GRM8: variants seen among roughly 807,000 people sequenced by gnomAD.
GRM8 encodes metabotropic glutamate receptor 8.
GRM8 carries 47 observed loss-of-function variants against 87.2 expected under a neutral mutation model. That is an observed-to-expected ratio of 0.54 (90% CI 0.43 to 0.69). GRM8 has a LOEUF of 0.69. Among genes scored for constraint, GRM8 ranks in the 30% least tolerant of loss-of-function variants. The pLI, the probability that GRM8 is intolerant of heterozygous loss-of-function variation, is 0.00. For missense variants in GRM8, 1,019 were observed against 1,139.2 expected, an observed-to-expected ratio of 0.89 and a Z score of 1.52; for synonymous variants, 396 against 404.5, an observed-to-expected ratio of 0.98 and a Z score of 0.25.
At chr7:127,214,882 A>G (rs1352051352) in intron 2 of GRM8, among the ~76,000 whole-genome samples, 1 of 152,180 alleles carries the variant, frequency 6.6e-6, no homozygotes, top group Non-Finnish European at 1.5e-5. Context: ...TTCCTTTTCA[A>G]ATTCTGCCTA....
chr7:126,709,674 A>G (rs1365242714), intron 7 of GRM8, among the ~76,000 whole-genome samples: 1 of 152,180 alleles, frequency 6.6e-6, no homozygotes, highest in Admixed American at 6.5e-5. Context: ...CTTTGGGTAT[A>G]TATCTAAAAA....
intron 2 of GRM8, among the ~76,000 whole-genome samples, chr7:127,187,212 C>T (rs1225789623): frequency 1.3e-5 from 2 of 152,076 alleles, no homozygotes; most frequent in African/African-American, 4.8e-5. Flanking sequence ...TAGTGGTATT[C>T]CCTGACAAAG....
chr7:127,155,396 A>AACGTAACTC (rs1792659635), intron 2 of GRM8, among the ~76,000 whole-genome samples: 1 of 152,204 alleles, frequency 6.6e-6, no homozygotes, highest in African/African-American at 2.4e-5. Flanking sequence ...TGATTCATCC[A>AACGTAACTC]ACGTAACTCT....
intron 7 of GRM8, among the ~76,000 whole-genome samples, chr7:126,623,346 T>A (rs1585261471): frequency 6.6e-6 from 1 of 152,194 alleles, no homozygotes; most frequent in African/African-American, 2.4e-5. Context: ...TTATGTAAAC[T>A]AACATATGAA....
At chr7:127,033,967 T>A (rs1214172767) in intron 3 of GRM8, among the ~76,000 whole-genome samples, 1 of 152,232 alleles carries the variant, frequency 6.6e-6, no homozygotes, top group African/African-American at 2.4e-5. Flanking sequence ...AGATTCATTG[T>A]CATTCTCTAA....
intron 6 of GRM8, among the ~76,000 whole-genome samples, chr7:126,783,706 T>G (rs1446190548): frequency 3.3e-5 from 5 of 152,064 alleles, no homozygotes; most frequent in African/African-American, 2.4e-5. Context: ...TGGTATGGGG[T>G]GTCTGCTTTT....
Position 127,106,522 on chromosome 7 carries a change from G to A in GRM8, c.701C>T (p.Ala234Val). ...EGNYGESGVE[A>V]FTQISREIGG... ...AATCTCCCTCGAGATCTGGGTGAAG[G>A]CCTCCACACCGCTCTCACCATAGTT... Residue 234 changes from alanine to valine, a missense_variant, in exon 3 of 11, where the codon GCC becomes GTC. Transcript: ENST00000339582. 6.2e-7 allele frequency: 1 copy of A among 1,613,558 alleles called. No individual in the cohort carries two copies. Among genetic ancestry groups the A allele is most frequent in the Non-Finnish European group, 8.5e-7 (1 of 1,179,590 alleles).
At chr7:126,879,244 G>A (rs1277053261) in intron 6 of GRM8, among the ~76,000 whole-genome samples, 1 of 151,940 alleles carries the variant, frequency 6.6e-6, no homozygotes, top group Admixed American at 6.6e-5. Context: ...GTCTAAGGGA[G>A]GGGAAGAGGC....
intron 7 of GRM8, among the ~76,000 whole-genome samples, chr7:126,707,229 C>T (rs892957633): frequency 3.3e-5 from 5 of 151,954 alleles, no homozygotes; most frequent in African/African-American, 9.7e-5. Flanking sequence ...CCATGGCTCA[C>T]CAGAGAAACA....
chr7:126,939,300 C>T (rs1166875149), intron 3 of GRM8, among the ~76,000 whole-genome samples: 5 of 152,140 alleles, frequency 3.3e-5, no homozygotes, highest in Admixed American at 2.0e-4. Context: ...GTTTGAGAAG[C>T]CAATTCCCAT....
intron 2 of GRM8, among the ~76,000 whole-genome samples, chr7:127,115,877 G>A (rs1826669205): frequency 6.6e-6 from 1 of 152,172 alleles, no homozygotes; most frequent in South Asian, 2.1e-4. Context: ...AGCCTTTTGA[G>A]AGGCTGAGGC....
intron 6 of GRM8, among the ~76,000 whole-genome samples, chr7:126,875,549 T>C (rs1204528): frequency 0.22 from 33,428 of 152,148 alleles, 4,182 homozygotes; most frequent in East Asian, 0.5. Context: ...TTCCCCATCA[T>C]GGCTAAATGT....
At chr7:126,709,980 A>C (rs1206979117) in intron 7 of GRM8, among the ~76,000 whole-genome samples, 1 of 152,232 alleles carries the variant, frequency 6.6e-6, no homozygotes, top group African/African-American at 2.4e-5. Context: ...TTGCAGGTCC[A>C]GTTCCAAATC....
chr7:126,972,181 ACAT>A (rs1190254424), intron 3 of GRM8, among the ~76,000 whole-genome samples: 1 of 152,158 alleles, frequency 6.6e-6, no homozygotes, highest in Admixed American at 6.5e-5. Flanking sequence ...CAACAATAAG[ACAT>A]CTACTTAGTT....
intron 6 of GRM8, among the ~76,000 whole-genome samples, chr7:126,828,195 C>T (rs956328050): frequency 3.9e-4 from 60 of 152,056 alleles, no homozygotes; most frequent in Middle Eastern, 3.4e-3. Context: ...TGTCTCTGCC[C>T]GGCTTTGGTA....
chr7:127,166,221 T>G (rs906356837), intron 2 of GRM8, among the ~76,000 whole-genome samples: 1 of 152,164 alleles, frequency 6.6e-6, no homozygotes, highest in African/African-American at 2.4e-5. Flanking sequence ...GCAATAAATA[T>G]AAATAAATAT....
chr7:127,108,728 G>A (rs1826052548), intron 2 of GRM8, among the ~76,000 whole-genome samples: 1 of 152,130 alleles, frequency 6.6e-6, no homozygotes, highest in Admixed American at 6.6e-5. Context: ...TCAGCCTCAT[G>A]TTTAGGATTA....
At chr7:126,832,035 C>CA (rs569505810) in intron 6 of GRM8, among the ~76,000 whole-genome samples, 79 of 151,910 alleles carry the variant, frequency 5.2e-4, no homozygotes, top group African/African-American at 1.8e-3. Flanking sequence ...TATATAACTG[C>CA]AAAAATGTAT....
At chr7:126,790,079 C>G (rs1327470110) in intron 6 of GRM8, among the ~76,000 whole-genome samples, 1 of 151,896 alleles carries the variant, frequency 6.6e-6, no homozygotes, top group Non-Finnish European at 1.5e-5. Flanking sequence ...ACAATCTCGG[C>G]TCACTGCAAC....
Sources: gnomAD v4.1 joint callset for allele counts (sites outside exome capture counted in the v4.1 genomes callset) on GRCh38, gnomAD v4.1.1 for gene constraint, MANE v1.5 for transcripts, NCBI Gene and HGNC (gene_info 2026-07-23, HGNC 2026-07-21) for gene names.